The following ZC3HAV1 variants were observed in gnomAD, a reference collection of about 807,000 sequenced individuals.
ZC3HAV1 encodes the protein zinc finger CCCH-type containing, antiviral 1.
Under a neutral mutation model 86.6 loss-of-function variants are expected in ZC3HAV1, and 41 were observed. The observed-to-expected ratio is 0.47, with a 90% CI of 0.37 to 0.61. The LOEUF (loss-of-function observed/expected upper bound fraction) is 0.61, where lower values mean the gene tolerates loss of function less well. Among genes scored for constraint, ZC3HAV1 ranks in the 20% least tolerant of loss-of-function variants. ZC3HAV1 has a pLI of 0.00. For synonymous variants in ZC3HAV1, 421 were observed against 432.1 expected, an observed-to-expected ratio of 0.97 and a Z score of 0.32; for missense variants, 964 against 1,141.1, an observed-to-expected ratio of 0.84 and a Z score of 2.24.
chr7:139,048,145 A>G (rs931542805), intron 12 of ZC3HAV1, among the ~76,000 whole-genome samples: 2 of 152,228 alleles, frequency 1.3e-5, no homozygotes, highest in Admixed American at 1.3e-4. Context: ...CAGTGGCCCA[A>G]TTCATGCAAT....
intron 9 of ZC3HAV1, among the ~76,000 whole-genome samples, chr7:139,059,369 C>A (rs982467863): frequency 5.9e-5 from 9 of 152,166 alleles, no homozygotes; most frequent in African/African-American, 2.2e-4. Flanking sequence ...GTCATCCCAG[C>A]ACTTTGGGAG....
intron 7 of ZC3HAV1, among the ~76,000 whole-genome samples, chr7:139,072,949 T>C (rs1171689296): frequency 6.6e-6 from 1 of 152,112 alleles, no homozygotes; most frequent in Non-Finnish European, 1.5e-5. Context: ...TCCCCTCTCA[T>C]GGTGAGGAAA....
At chr7:139,058,785 T>C (rs1816363575) in intron 9 of ZC3HAV1, among the ~76,000 whole-genome samples, 1 of 152,192 alleles carries the variant, frequency 6.6e-6, no homozygotes, top group Non-Finnish European at 1.5e-5. Context: ...ATGGAAGTTC[T>C]TGAGATCGAC....
chr7:139,109,251 G>A lies in ZC3HAV1; in HGVS notation c.81C>T (p.Leu27=). 6.2e-7 allele frequency: 1 copy of A among 1,612,186 alleles called. No individual in the cohort carries two copies. Among genetic ancestry groups the A allele is most frequent in the Non-Finnish European group, 8.5e-7 (1 of 1,179,480 alleles). ...GCGGCTCAGACAGCGCGATCTCCTG[G>A]AGCAGCGCGTCCAGGGCCATGCGGC... The part of the protein sequence containing the change: ...HGGRMALDAL[L]QEIALSEPQL... The change falls in exon 1 of 13, where the codon CTC becomes CTT. Residue 27 remains leucine (L), a synonymous_variant. Coordinates refer to ENST00000242351, the MANE Select transcript of ZC3HAV1 (RefSeq NM_020119.4).
intron 3 of ZC3HAV1, among the ~76,000 whole-genome samples, chr7:139,081,779 T>C (rs1203516720): frequency 6.6e-6 from 1 of 152,238 alleles, no homozygotes; most frequent in Non-Finnish European, 1.5e-5. Context: ...TGATGAAATA[T>C]TTATTTGGGA....
Position 139,058,685 on chromosome 7 carries a change from G to A in ZC3HAV1, c.2096+2351C>T, listed in dbSNP as rs77803209. On this transcript the variant is annotated intron_variant, in intron 9 of 12. Coordinates refer to ENST00000242351, the MANE Select transcript of ZC3HAV1 (RefSeq NM_020119.4). ...GGGAAAGTGGCATTCCAGCTAAATC[G>A]TGAGGGGTGCTGTATTCATGTGAAT... 4.9e-3 allele frequency among the ~76,000 whole-genome samples: 751 copies of A among 152,260 alleles called. 3 individuals carry two copies. Among genetic ancestry groups the A allele is most frequent in the African/African-American group, 0.017 (723 of 41,528 alleles).
chr7:139,097,426 A>ATTTTT (rs1177588546), intron 1 of ZC3HAV1, among the ~76,000 whole-genome samples: 31 of 75,284 alleles, frequency 4.1e-4, no homozygotes, highest in African/African-American at 1.9e-3. Context: ...ATATATATAT[A>ATTTTT]TATTTTTTTT....
chr7:139,054,223 C>T, intron 10 of ZC3HAV1, 128 bp from the exon 11 acceptor site: 1 of 992,320 alleles, frequency 1.0e-6, no homozygotes, highest in Non-Finnish European at 1.4e-6. Context: ...ATAGGATGAG[C>T]TGGCTTAGGG....
At position 139,109,433 on chromosome 7, in the gene ZC3HAV1, A is replaced by G; in HGVS notation, c.-102T>C. On this transcript the variant is annotated 5_prime_UTR_variant, in exon 1 of 13. Transcript: ENST00000242351. ...TCCAGGGGCGGGCGCGGGCGGTGCT[A>G]CTGCTGGGCGCGCCCGGAGTCAGCG... is the stretch of plus-strand genomic sequence containing the variant. 8 of 1,396,122 alleles carry G rather than the reference A, an allele frequency of 5.7e-6. No individual in the cohort carries two copies. The highest frequency in any genetic ancestry group is 7.5e-6 in the Non-Finnish European group (8 of 1,066,728). The allele number at this position is 1,396,122 out of a possible 1,614,324, so 86.5% of individuals were successfully genotyped here.
Position 139,044,473 on chromosome 7 carries a change from G to C in ZC3HAV1, c.*3121C>G, listed in dbSNP as rs1273595814. On this transcript the variant is annotated 3_prime_UTR_variant, in exon 13 of 13. Transcript: ENST00000242351. ...TCTTTTCTATTTCTCCTTAATAAGA[G>C]AGTTAGGGCATTAAATTGATTTTTT... 2 of 152,150 alleles carry C rather than the reference G, an allele frequency of 1.3e-5. No homozygotes were observed. The highest frequency in any genetic ancestry group is 4.8e-5 in the African/African-American group (2 of 41,396). 9.4% of individuals were successfully genotyped at this position (152,150 alleles called of 1,614,324 possible).
chr7:139,105,446 T>C (rs75136272), intron 1 of ZC3HAV1, among the ~76,000 whole-genome samples: 1 of 152,322 alleles, frequency 6.6e-6, no homozygotes, highest in East Asian at 1.9e-4. Flanking sequence ...TAAATAGTGA[T>C]TATTTTTGCA....
At chr7:139,085,156 A>G (rs1056726788) in intron 2 of ZC3HAV1, among the ~76,000 whole-genome samples, 2 of 152,224 alleles carry the variant, frequency 1.3e-5, no homozygotes, top group African/African-American at 4.8e-5. Flanking sequence ...AGTCTGAACC[A>G]TCAGAGGTGG....
At position 139,064,086 on chromosome 7, in the gene ZC3HAV1, C is replaced by A. The variant is rs375436952; in HGVS notation, c.1993+793G>T. On this transcript the variant is annotated intron_variant, in intron 8 of 12. Transcript: ENST00000242351. ...TTTTAATGTCACTTGACATGTACTG[C>A]CAGACTGTTTTTCCAAATACTTGGT... 2.4e-3 allele frequency among the ~76,000 whole-genome samples: 369 copies of A among 152,322 alleles called. 1 individual carries two copies. The highest frequency in any genetic ancestry group is 8.3e-3 in the African/African-American group (346 of 41,568).
intron 4 of ZC3HAV1, chr7:139,079,183 C>T (rs1381267398): frequency 6.5e-7 from 1 of 1,536,198 alleles, no homozygotes; most frequent in East Asian, 2.4e-5. Flanking sequence ...GCCCTTGGGC[C>T]CCCCAGACTG....
intron 1 of ZC3HAV1, among the ~76,000 whole-genome samples, chr7:139,101,443 C>T: frequency 8.2e-6 from 1 of 122,380 alleles, no homozygotes; most frequent in African/African-American, 3.2e-5. Flanking sequence ...CGGGGAGCGC[C>T]TCTGCCCTGC....
chr7:139,084,169 T>A, intron 2 of ZC3HAV1, 137 bp from the exon 3 acceptor site: 1 of 1,212,944 alleles, frequency 8.2e-7, no homozygotes, highest in Non-Finnish European at 1.1e-6. Context: ...ACATGCATAT[T>A]CTGCAGTCTT....
At chr7:139,070,139 A>C (rs1816725940) in intron 7 of ZC3HAV1, among the ~76,000 whole-genome samples, 1 of 152,026 alleles carries the variant, frequency 6.6e-6, no homozygotes, top group South Asian at 2.1e-4. Flanking sequence ...AATTTATATA[A>C]TGATGGGTCT....
intron 2 of ZC3HAV1, among the ~76,000 whole-genome samples, chr7:139,085,651 G>T (rs919298033): frequency 3.0e-4 from 45 of 152,146 alleles, no homozygotes; most frequent in African/African-American, 1.1e-3. Flanking sequence ...TCTCTGCACT[G>T]CCTCTTACAC....
rs115894827 is a variant in ZC3HAV1 at position 139,059,880 on chromosome 7, C to T, written c.2096+1156G>A. Among the ~76,000 whole-genome samples the T allele has an allele frequency of 2.4e-3, 371 of 152,204 alleles. 1 individual carries two copies. The highest frequency in any genetic ancestry group is 8.2e-3 in the African/African-American group (340 of 41,516). ...ATTTTCTGAACACCTGATCAGTGTT[C>T]GGAATGTGTTACCCAAGCAACCGTG... is the stretch of plus-strand genomic sequence containing the variant. On this transcript the variant is annotated intron_variant, in intron 9 of 12. Transcript: ENST00000242351.
Sources: gnomAD v4.1 joint callset for allele counts (sites outside exome capture counted in the v4.1 genomes callset) on GRCh38, gnomAD v4.1.1 for gene constraint, MANE v1.5 for transcripts, NCBI Gene and HGNC (gene_info 2026-07-23, HGNC 2026-07-21) for gene names.